The following ENPP6 variants were observed in gnomAD, a reference collection of about 807,000 sequenced individuals.
The protein encoded by ENPP6 is glycerophosphocholine cholinephosphodiesterase ENPP6.
A neutral mutation model predicts 42.0 loss-of-function variants in ENPP6; 32 were observed. The ratio of observed to expected loss-of-function variants is 0.76; its 90% CI spans 0.58 to 1.02. The LOEUF is 1.02. Among genes scored for constraint, ENPP6 ranks in the 50% least tolerant of loss-of-function variants. The probability of loss-of-function intolerance (pLI) is 0.00; values close to 1 mark genes in which losing one functional copy is unlikely to be tolerated. For synonymous variants in ENPP6, 213 were observed against 216.0 expected (o/e 0.99, Z 0.12); for missense variants, 552 against 566.8 (o/e 0.97, Z 0.27).
At chr4:184,204,566 G>A (rs1480291189) in intron 1 of ENPP6, among the ~76,000 whole-genome samples, 1 of 152,188 alleles carries the variant, frequency 6.6e-6, no homozygotes, top group African/African-American at 2.4e-5. Context: ...TCACTACAAG[G>A]AGGCTCTCCC....
At chr4:184,091,605 C>A (rs1055295241) in intron 7 of ENPP6, among the ~76,000 whole-genome samples, 3 of 152,078 alleles carry the variant, frequency 2.0e-5, no homozygotes, top group African/African-American at 7.2e-5. Flanking sequence ...AGATGAATTT[C>A]TTTAAAAGAC....
intron 3 of ENPP6, among the ~76,000 whole-genome samples, chr4:184,120,746 C>T (rs1364441319): frequency 6.6e-6 from 1 of 152,198 alleles, no homozygotes; most frequent in African/African-American, 2.4e-5. Flanking sequence ...GCACATGGCT[C>T]CGGTGCCTGG....
intron 1 of ENPP6, among the ~76,000 whole-genome samples, chr4:184,180,768 T>C (rs1464087073): frequency 6.6e-6 from 1 of 152,174 alleles, no homozygotes; most frequent in Non-Finnish European, 1.5e-5. Context: ...ACCACATGAT[T>C]ATCTCAATAG....
rs74500335 is a variant in ENPP6 at position 184,174,710 on chromosome 4, T to C, written c.242-20977A>G. On this transcript the variant is annotated intron_variant, in intron 1 of 7. Coordinates refer to ENST00000296741, the MANE Select transcript of ENPP6 (RefSeq NM_153343.4). Reference sequence around the variant, plus strand: ...CCCCAAAAGTATCTTACGATATTACTTCTAAATAAGGTCTGTGTACTTGAG... The same window carrying C: ...CCCCAAAAGTATCTTACGATATTACCTCTAAATAAGGTCTGTGTACTTGAG... Among the ~76,000 whole-genome samples, 746 of 17,556 alleles carry C rather than the reference T, an allele frequency of 0.042. 26 individuals are homozygous for C. The East Asian group carries it at 0.49, about 11-fold the overall frequency. The allele number at this position is 17,556 out of a possible 152,430, so 11.5% of individuals were successfully genotyped here.
chr4:184,115,765 C>T (rs867128796), intron 5 of ENPP6, among the ~76,000 whole-genome samples: 105 of 152,168 alleles, frequency 6.9e-4, no homozygotes, highest in African/African-American at 2.4e-3. Context: ...GAGCTGGGCA[C>T]TGCATACAGC....
intron 1 of ENPP6, among the ~76,000 whole-genome samples, chr4:184,157,370 C>T (rs1286425539): frequency 6.6e-6 from 1 of 152,182 alleles, no homozygotes; most frequent in Admixed American, 6.5e-5. Context: ...GTTAGCCTTA[C>T]CATCTTTAAC....
chr4:184,117,004 A>G lies in ENPP6; in HGVS notation c.707T>C (p.Ile236Thr). ...GGTCATTCCGTGATCCGAGAAAATA[A>G]TGACGTTCAGGCGGTCCTGCAGGCC... ...ERGLQDRLNV[I>T]IFSDHGMTDI... The change falls in exon 5 of 8, where the codon ATT (isoleucine) becomes ACT (threonine). Residue 236 changes from isoleucine (I) to threonine (T), a missense_variant. By Grantham distance (89) the Ile-to-Thr change is moderately conservative (BLOSUM62 -1). Around this residue, in one of 2 missense-constraint regions of ENPP6, gnomAD observed 545 missense variants for 546.3 expected, o/e 1.00. Transcript: ENST00000296741. 1.2e-6 allele frequency: 2 copies of G among 1,614,222 alleles called. No individual in the cohort carries two copies. Among genetic ancestry groups the G allele is most frequent in the East Asian group, 2.2e-5 (1 of 44,884 alleles).
chr4:184,155,123 A>T (rs1453678707), intron 1 of ENPP6, among the ~76,000 whole-genome samples: 1 of 152,098 alleles, frequency 6.6e-6, no homozygotes, highest in Non-Finnish European at 1.5e-5. Flanking sequence ...AGTTATGATG[A>T]CCCTCGCTCA....
chr4:184,151,499 G>A (rs1737024899), intron 2 of ENPP6, among the ~76,000 whole-genome samples: 1 of 152,192 alleles, frequency 6.6e-6, no homozygotes, highest in East Asian at 1.9e-4. Context: ...TATGTGGAGG[G>A]GGCTCAAGGG....
intron 2 of ENPP6, among the ~76,000 whole-genome samples, chr4:184,145,139 A>AC (rs1333321838): frequency 6.6e-6 from 1 of 152,200 alleles, no homozygotes; most frequent in Non-Finnish European, 1.5e-5. Context: ...GAGACCCTGA[A>AC]ACACAGTTCA....
intron 1 of ENPP6, among the ~76,000 whole-genome samples, chr4:184,160,657 G>A (rs1225596468): frequency 6.6e-6 from 1 of 151,788 alleles, no homozygotes; most frequent in Non-Finnish European, 1.5e-5. Flanking sequence ...TGAGTATTGG[G>A]GGAGAGTCAC....
At chr4:184,111,942 T>A (rs892968742) in intron 6 of ENPP6, among the ~76,000 whole-genome samples, 10 of 152,182 alleles carry the variant, frequency 6.6e-5, no homozygotes, top group Non-Finnish European at 1.5e-4. Flanking sequence ...TTCTATTAGG[T>A]TGGTGCAAAA....
chr4:184,186,890 C>T (rs987972082), intron 1 of ENPP6, among the ~76,000 whole-genome samples: 35 of 152,136 alleles, frequency 2.3e-4, no homozygotes, highest in African/African-American at 7.7e-4. Flanking sequence ...TCACACTACC[C>T]CCCTACTCAG....
chr4:184,166,275 T>C (rs965818943), intron 1 of ENPP6, among the ~76,000 whole-genome samples: 1 of 152,220 alleles, frequency 6.6e-6, no homozygotes, highest in South Asian at 2.1e-4. Flanking sequence ...AAGGCTGAGA[T>C]AATGGGCTTT....
chr4:184,112,487 C>A, intron 6 of ENPP6, 185 bp downstream of exon 6: 6 of 714,214 alleles, frequency 8.4e-6, no homozygotes, highest in Non-Finnish European at 1.1e-5. Flanking sequence ...GGGTTCGCGT[C>A]TACAGTTGTG....
rs113362747 is a variant in ENPP6, at chr4:184,141,601, G to T, written c.421+11953C>A. On this transcript the variant is annotated intron_variant, in intron 2 of 7. Coordinates refer to ENST00000296741, the MANE Select transcript of ENPP6 (RefSeq NM_153343.4). ...ATCGCAGGGAAATGCCCTTAATTAGGGCTCAGTTTTTAGGACCTCCTCTTA... is the reference window on the plus strand; with the variant it reads ...ATCGCAGGGAAATGCCCTTAATTAGTGCTCAGTTTTTAGGACCTCCTCTTA... 8.9e-3 allele frequency among the ~76,000 whole-genome samples: 1,354 copies of T among 152,134 alleles called. 22 individuals are homozygous for T. Among genetic ancestry groups the T allele is most frequent in the African/African-American group, 0.027 (1,104 of 41,504 alleles).
rs887849028 is a variant in ENPP6, at chr4:184,090,611, G to C, written c.*566C>G. ...TGATTGGTGATCCATGCTAAGTTAC[G>C]TCCTTTCTGGAGCTCAGTATAAGAT... On this transcript the variant is annotated 3_prime_UTR_variant, in exon 8 of 8. Coordinates refer to ENST00000296741, the MANE Select transcript of ENPP6 (RefSeq NM_153343.4). 1 of 170,564 alleles carries C rather than the reference G, an allele frequency of 5.9e-6. No homozygotes were observed. The highest frequency in any genetic ancestry group is 2.4e-5 in the African/African-American group (1 of 42,206). 10.6% of individuals were successfully genotyped at this position (170,564 alleles called of 1,614,324 possible). A position where few individuals can be genotyped will look rare whatever the true frequency, so the allele number is the denominator to read the frequency against.
At chr4:184,135,178 G>C (rs564924320) in intron 2 of ENPP6, among the ~76,000 whole-genome samples, 1 of 152,148 alleles carries the variant, frequency 6.6e-6, no homozygotes, top group South Asian at 2.1e-4. Context: ...CAGCAGCTAG[G>C]TGCAGAGTTC....
intron 2 of ENPP6, among the ~76,000 whole-genome samples, chr4:184,146,753 C>T (rs1235955254): frequency 6.6e-6 from 1 of 152,132 alleles, no homozygotes; most frequent in Non-Finnish European, 1.5e-5. Flanking sequence ...TGGGATGGGG[C>T]CCTCATCAGA....
Sources: allele counts gnomAD v4.1 joint callset (sites outside exome capture counted in the v4.1 genomes callset), GRCh38; gene constraint gnomAD v4.1.1; regional missense constraint gnomAD v4.1.1; transcripts MANE v1.5; gene names NCBI Gene and HGNC (gene_info 2026-07-23, HGNC 2026-07-21).